The following CNTNAP4 variants were observed in gnomAD, a reference collection of about 807,000 sequenced individuals.
The protein encoded by CNTNAP4 is contactin-associated protein-like 4.
Under a neutral mutation model 148.4 loss-of-function variants are expected in CNTNAP4, and 98 were observed. The ratio of observed to expected loss-of-function variants is 0.66; its 90% confidence interval spans 0.56 to 0.78. The LOEUF (loss-of-function observed/expected upper bound fraction) is 0.78. CNTNAP4 is among the 30% of genes least tolerant of loss of function. CNTNAP4 has a pLI of 0.00. For missense variants in CNTNAP4, 1,935 were observed against 1,565.6 expected (o/e 1.24, Z -3.98); for synonymous variants, 730 against 565.1 (o/e 1.29, Z -4.14).
chr16:76,306,542 C>A (rs539801191), intron 1 of CNTNAP4, among the ~76,000 whole-genome samples: 1 of 152,320 alleles, frequency 6.6e-6, no homozygotes, highest in African/African-American at 2.4e-5. Context: ...AGTGAAAAAT[C>A]TAACTGGTGC....
At chr16:76,435,806 C>T (rs1017354693) in intron 4 of CNTNAP4, among the ~76,000 whole-genome samples, 1 of 152,122 alleles carries the variant, frequency 6.6e-6, no homozygotes, top group South Asian at 2.1e-4. Flanking sequence ...GCTGTTAGAA[C>T]CTTTTTTAAA....
At position 76,495,030 on chromosome 16, in the gene CNTNAP4, A is replaced by C. The variant is rs1597728752; in HGVS notation, c.2201A>C (p.Gln734Pro). The change falls in exon 14 of 24, where the codon CAG becomes CCG. Residue 734 changes from glutamine to proline, a missense_variant. Gln to Pro is a moderately conservative substitution (Grantham distance 76, BLOSUM62 -1). Transcript: ENST00000611870. ...CGLEGNCIDSQYYCNCDADRN... is the reference protein window; with the variant it reads ...CGLEGNCIDSPYYCNCDADRN... Reference sequence around the variant, plus strand: ...TTAGAGGGAAACTGCATTGATTCTCAGTATTACTGCAATTGTGATGCTGAC... The same window carrying C: ...TTAGAGGGAAACTGCATTGATTCTCCGTATTACTGCAATTGTGATGCTGAC... The C allele has an allele frequency of 6.2e-6, 10 of 1,613,430 alleles. No homozygotes were observed. The highest frequency in any genetic ancestry group is 7.6e-6 in the Non-Finnish European group (9 of 1,179,540).
chr16:76,477,326 T>G (rs67436841), intron 11 of CNTNAP4, among the ~76,000 whole-genome samples: 1 of 152,044 alleles, frequency 6.6e-6, no homozygotes, highest in Non-Finnish European at 1.5e-5. Flanking sequence ...TTCCCCCCCA[T>G]TTTTTCCGAT....
In CNTNAP4 at chr16:76,553,912, TAAG is replaced by T. The variant is rs1409889043; in HGVS notation, c.3733+9_3733+11del. On this transcript the variant is annotated splice_donor_region_variant and intron_variant, in intron 23 of 23. Coordinates refer to ENST00000611870, the MANE Select transcript of CNTNAP4 (RefSeq NM_033401.5). ...GTGACTCTGCAGTAATTGGAGGTAA[TAAG>T]AAGCATGAATGAGCTCTTCTTTGGT... 1 of 1,565,392 alleles carries T rather than the reference TAAG, an allele frequency of 6.4e-7. No individual in the cohort carries two copies. Among genetic ancestry groups the T allele is most frequent in the South Asian group, 1.1e-5 (1 of 89,564 alleles).
chr16:76,404,655 C>T (rs1046430684), intron 3 of CNTNAP4, among the ~76,000 whole-genome samples: 1 of 152,048 alleles, frequency 6.6e-6, no homozygotes, highest in Non-Finnish European at 1.5e-5. Flanking sequence ...ATATAAGATT[C>T]TGTAAACAAC....
rs754328224 is a variant in CNTNAP4 at position 76,522,206 on chromosome 16, GC to G, written c.2709del (p.Ala904LeufsTer34). 2.5e-6 allele frequency: 4 copies of G among 1,613,882 alleles called. No homozygotes were observed. The South Asian group carries it at 4.4e-5, about 18-fold the overall frequency. On this transcript the variant is annotated frameshift_variant, in exon 17 of 24. Transcript: ENST00000611870. LOFTEE classifies it high-confidence loss of function. ...TCAGCTGACACCAAAGACACAGCCCGCCCCCGCTGATGGGCATGTCCTGTTA... is the reference window on the plus strand; with the variant it reads ...TCAGCTGACACCAAAGACACAGCCCGCCCCGCTGATGGGCATGTCCTGTTA... ...VDQLTPKTQP[A>X]PADGHVLLQL... is the part of the protein sequence containing the mutation.
In CNTNAP4 at chr16:76,489,674, T is replaced by A; in HGVS notation, c.1883-12T>A. On this transcript the variant is annotated splice_polypyrimidine_tract_variant and intron_variant, in intron 12 of 23. Coordinates refer to ENST00000611870, the MANE Select transcript of CNTNAP4 (RefSeq NM_033401.5). Reference sequence around the variant, plus strand: ...GGTCTCCTCTCTTTCTCCCCCCATTTCTGCATACAAGAAACTGCATGGACC... The same window carrying A: ...GGTCTCCTCTCTTTCTCCCCCCATTACTGCATACAAGAAACTGCATGGACC... 6.8e-7 allele frequency: 1 copy of A among 1,477,334 alleles called. No individual in the cohort carries two copies. Among genetic ancestry groups the A allele is most frequent in the Middle Eastern group, 1.8e-4 (1 of 5,578 alleles). 91.5% of individuals were successfully genotyped at this position (1,477,334 alleles called of 1,614,324 possible). A position where few individuals can be genotyped will look rare whatever the true frequency, so the allele number is the denominator to read the frequency against.
At chr16:76,399,511 G>A (rs2078327679) in intron 3 of CNTNAP4, among the ~76,000 whole-genome samples, 1 of 152,100 alleles carries the variant, frequency 6.6e-6, no homozygotes, top group Admixed American at 6.6e-5. Flanking sequence ...ATTCAGTTTG[G>A]GGATATTCTT....
At chr16:76,499,785 C>T (rs2082554319) in intron 15 of CNTNAP4, among the ~76,000 whole-genome samples, 2 of 151,460 alleles carry the variant, frequency 1.3e-5, no homozygotes, top group Admixed American at 1.3e-4. Flanking sequence ...TGCCTTCAAG[C>T]ATCTGTTTAA....
intron 2 of CNTNAP4, among the ~76,000 whole-genome samples, chr16:76,317,927 C>G (rs945580305): frequency 2.6e-5 from 4 of 152,090 alleles, no homozygotes; most frequent in Non-Finnish European, 4.4e-5. Flanking sequence ...ATCCTTCTGT[C>G]AAATGGGAAA....
intron 21 of CNTNAP4, among the ~76,000 whole-genome samples, chr16:76,549,635 C>CA (rs144649699): frequency 0.19 from 29,187 of 150,802 alleles, 2,892 homozygotes; most frequent in Non-Finnish European, 0.23. Flanking sequence ...TCTCATAAAG[C>CA]AAAAAAAAGA....
chr16:76,399,295 A>G (rs1394710568), intron 3 of CNTNAP4, among the ~76,000 whole-genome samples: 2 of 152,194 alleles, frequency 1.3e-5, no homozygotes, highest in African/African-American at 4.8e-5. Context: ...CAGTAAAATG[A>G]AGAAAAATTA....
intron 3 of CNTNAP4, among the ~76,000 whole-genome samples, chr16:76,420,994 C>G (rs912444868): frequency 2.0e-5 from 3 of 151,984 alleles, no homozygotes; most frequent in Admixed American, 6.6e-5. Flanking sequence ...AGCTTTATGA[C>G]TTGTCCACAT....
chr16:76,311,486 A>G (rs1233852660), intron 1 of CNTNAP4, among the ~76,000 whole-genome samples: 14 of 152,154 alleles, frequency 9.2e-5, no homozygotes, highest in Non-Finnish European at 1.5e-5. Context: ...TCTAATGTGG[A>G]TATTTAACAG....
At chr16:76,345,645 C>T (rs899178809) in intron 2 of CNTNAP4, among the ~76,000 whole-genome samples, 1 of 152,104 alleles carries the variant, frequency 6.6e-6, no homozygotes, top group Admixed American at 6.6e-5. Flanking sequence ...CTCCTACCCT[C>T]CCACAGAGCC....
chr16:76,521,403 T>C, intron 16 of CNTNAP4, 93 bp downstream of exon 16: 1 of 997,874 alleles, frequency 1.0e-6, no homozygotes, highest in Non-Finnish European at 1.4e-6. Context: ...GTCTACTTTA[T>C]CATCTGATTC....
intron 13 of CNTNAP4, among the ~76,000 whole-genome samples, chr16:76,493,554 T>C (rs1291471270): frequency 6.6e-6 from 1 of 152,196 alleles, no homozygotes; most frequent in African/African-American, 2.4e-5. Context: ...ATTTCTATTT[T>C]ATAGGGAAGA....
At chr16:76,371,847 T>C (rs1469639404) in intron 3 of CNTNAP4, among the ~76,000 whole-genome samples, 2 of 152,236 alleles carry the variant, frequency 1.3e-5, no homozygotes, top group Non-Finnish European at 2.9e-5. Flanking sequence ...ATCTAAGGCA[T>C]GTCTGCCAAA....
chr16:76,374,658 T>C (rs913943511), intron 3 of CNTNAP4, among the ~76,000 whole-genome samples: 3 of 151,826 alleles, frequency 2.0e-5, no homozygotes, highest in Non-Finnish European at 4.4e-5. Flanking sequence ...TACTCTCACT[T>C]TCTTAGTTTG....
Sources: allele counts gnomAD v4.1 joint callset (sites outside exome capture counted in the v4.1 genomes callset), GRCh38; gene constraint gnomAD v4.1.1; transcripts MANE v1.5; gene names NCBI Gene and HGNC (gene_info 2026-07-23, HGNC 2026-07-21).